Variants in MNAT1 observed in about 807,000 individuals in gnomAD.
The protein encoded by MNAT1 is CDK-activating kinase assembly factor MAT1.
A neutral mutation model predicts 42.0 loss-of-function variants in MNAT1; 43 were observed. The observed-to-expected ratio is 1.02, with a 90% CI of 0.80 to 1.32. The LOEUF is 1.32. Ranked by LOEUF, MNAT1 falls within the 40% of genes most tolerant of loss-of-function variation. The pLI is 0.00. For missense variants in MNAT1, 306 were observed against 350.4 expected (o/e 0.87, Z 1.01); for synonymous variants, 118 against 120.0 (o/e 0.98, Z 0.11).
chr14:60,866,529 T>G (rs1442217224), intron 6 of MNAT1, among the ~76,000 whole-genome samples: 2 of 151,990 alleles, frequency 1.3e-5, no homozygotes, highest in African/African-American at 4.8e-5. Context: ...AGGGAAAAAT[T>G]TGTACGAATG....
In MNAT1 at chr14:60,959,031, G is replaced by C. The variant is rs1410946055; in HGVS notation, c.810-9198G>C. Reference sequence around the variant, plus strand: ...CCTCCCAGGCTCAAGTGACCCTCCTGCCTCAGTCTCCCAAGTAGTTAGGAC... The same window carrying C: ...CCTCCCAGGCTCAAGTGACCCTCCTCCCTCAGTCTCCCAAGTAGTTAGGAC... On this transcript the variant is annotated intron_variant, in intron 7 of 7. Coordinates refer to ENST00000261245, the MANE Select transcript of MNAT1 (RefSeq NM_002431.4). 2.0e-5 allele frequency among the ~76,000 whole-genome samples: 3 copies of C among 152,298 alleles called. No homozygotes were observed. The East Asian group carries it at 5.8e-4, about 29-fold the overall frequency.
chr14:60,928,314 A>C (rs79873141), intron 7 of MNAT1, among the ~76,000 whole-genome samples: 1,969 of 152,290 alleles, frequency 0.013, 46 homozygotes, highest in African/African-American at 0.045. Context: ...GACACCATTA[A>C]TAATGCTGCT....
At chr14:60,807,552 A>G (rs1236016586) in intron 3 of MNAT1, among the ~76,000 whole-genome samples, 6 of 152,208 alleles carry the variant, frequency 3.9e-5, no homozygotes, top group African/African-American at 1.4e-4. Context: ...ATATGAGTTT[A>G]TATATAGCAA....
At chr14:60,866,521 G>A (rs1219472129) in intron 6 of MNAT1, among the ~76,000 whole-genome samples, 1 of 151,824 alleles carries the variant, frequency 6.6e-6, no homozygotes, top group East Asian at 1.9e-4. Flanking sequence ...TTTCAGGGAG[G>A]GAAAAATTTG....
intron 7 of MNAT1, among the ~76,000 whole-genome samples, chr14:60,904,527 C>A (rs1166356943): frequency 3.2e-4 from 49 of 152,052 alleles, no homozygotes; most frequent in Admixed American, 3.2e-3. Context: ...CTGCTTGAAG[C>A]AGTTGTCAAA....
At chr14:60,900,469 A>G (rs971625261) in intron 7 of MNAT1, among the ~76,000 whole-genome samples, 3 of 152,168 alleles carry the variant, frequency 2.0e-5, no homozygotes, top group Non-Finnish European at 4.4e-5. Context: ...CTTTAATCCT[A>G]TGAAGGCTGA....
At chr14:60,857,284 C>T (rs1411492589) in intron 6 of MNAT1, among the ~76,000 whole-genome samples, 1 of 152,166 alleles carries the variant, frequency 6.6e-6, no homozygotes, top group African/African-American at 2.4e-5. Context: ...AAGTTAATTC[C>T]AACCCCCATG....
Position 60,897,291 on chromosome 14 carries a change from C to T in MNAT1, c.809+17456C>T, listed in dbSNP as rs548488271. 2.4e-3 allele frequency among the ~76,000 whole-genome samples: 363 copies of T among 151,974 alleles called. 1 individual carries two copies. The highest frequency in any genetic ancestry group is 4.2e-3 in the Non-Finnish European group (286 of 67,948). On this transcript the variant is annotated intron_variant, in intron 7 of 7. Coordinates refer to ENST00000261245, the MANE Select transcript of MNAT1 (RefSeq NM_002431.4). ...TTTAAGTAGTTTCATATAAGAGTTACGGTTTTATTAAAAGCACTGCTAGTT... is the reference window on the plus strand; with the variant it reads ...TTTAAGTAGTTTCATATAAGAGTTATGGTTTTATTAAAAGCACTGCTAGTT...
rs566321034 is a variant in MNAT1 at position 60,933,315 on chromosome 14, G to A, written c.810-34914G>A. ...CACAATGATAAATTGTTGTATTGCC[G>A]TTCTTCCGTATAATTTTGGCATTTA... On this transcript the variant is annotated intron_variant, in intron 7 of 7. Coordinates refer to ENST00000261245, the MANE Select transcript of MNAT1 (RefSeq NM_002431.4). Among the ~76,000 whole-genome samples the A allele has an allele frequency of 5.3e-5, 8 of 151,780 alleles. No individual in the cohort carries two copies. The East Asian group carries it at 9.7e-4, about 18-fold the overall frequency.
At chr14:60,825,313 A>T (rs2033022531) in intron 6 of MNAT1, among the ~76,000 whole-genome samples, 1 of 152,222 alleles carries the variant, frequency 6.6e-6, no homozygotes, top group South Asian at 2.1e-4. Context: ...ACATGAATTC[A>T]TTAGTGTCAA....
At chr14:60,896,700 T>G (rs2034963845) in intron 7 of MNAT1, among the ~76,000 whole-genome samples, 3 of 152,166 alleles carry the variant, frequency 2.0e-5, no homozygotes, top group Admixed American at 2.0e-4. Flanking sequence ...TTGGCCAGGC[T>G]GGTCTCGAAC....
chr14:60,905,006 G>A (rs992626243), intron 7 of MNAT1, among the ~76,000 whole-genome samples: 4 of 24,138 alleles, frequency 1.7e-4, no homozygotes, highest in Admixed American at 5.2e-4. Context: ...ACGGAGTCTC[G>A]CTCTGTTGCC....
intron 1 of MNAT1, among the ~76,000 whole-genome samples, chr14:60,769,637 C>G (rs1464693047): frequency 1.3e-5 from 2 of 151,880 alleles, no homozygotes; most frequent in Non-Finnish European, 2.9e-5. Flanking sequence ...ACCATTTTAA[C>G]TGCTTTAAAA....
At chr14:60,787,400 A>T (rs2031685437) in intron 1 of MNAT1, among the ~76,000 whole-genome samples, 1 of 152,186 alleles carries the variant, frequency 6.6e-6, no homozygotes, top group Admixed American at 6.5e-5. Context: ...TGAGCCTTCG[A>T]AAGTGACTAT....
chr14:60,762,486 C>A (rs1316523046), intron 1 of MNAT1, among the ~76,000 whole-genome samples: 1 of 151,930 alleles, frequency 6.6e-6, no homozygotes, highest in African/African-American at 2.4e-5. Flanking sequence ...TCGAGACCAG[C>A]CTGGCCCACT....
chr14:60,739,158 C>T (rs573732750), intron 1 of MNAT1, among the ~76,000 whole-genome samples: 6 of 151,458 alleles, frequency 4.0e-5, no homozygotes, highest in South Asian at 2.1e-4. Flanking sequence ...GTGATATGAG[C>T]GGAGGTAAGG....
chr14:60,874,132 G>A (rs1392878249), intron 6 of MNAT1, among the ~76,000 whole-genome samples: 4 of 152,052 alleles, frequency 2.6e-5, no homozygotes, highest in Admixed American at 6.6e-5. Flanking sequence ...GTGTATTCAC[G>A]CTCTCTTTTC....
At chr14:60,786,772 A>G (rs1162966726) in intron 1 of MNAT1, among the ~76,000 whole-genome samples, 1 of 152,188 alleles carries the variant, frequency 6.6e-6, no homozygotes, top group African/African-American at 2.4e-5. Flanking sequence ...AGTCTGTTGT[A>G]TGTTTTGGTT....
At chr14:60,853,263 C>A (rs2033869282) in intron 6 of MNAT1, among the ~76,000 whole-genome samples, 1 of 152,072 alleles carries the variant, frequency 6.6e-6, no homozygotes, top group African/African-American at 2.4e-5. Flanking sequence ...TCCTTCACGT[C>A]CCCCTTAAGT....
Sources: allele counts gnomAD v4.1 joint callset (sites outside exome capture counted in the v4.1 genomes callset), GRCh38; gene constraint gnomAD v4.1.1; transcripts MANE v1.5; gene names NCBI Gene and HGNC (gene_info 2026-07-23, HGNC 2026-07-21).